VWA3B: variants seen among roughly 807,000 people sequenced by gnomAD.
VWA3B encodes von Willebrand factor A domain containing 3B.
VWA3B carries 138 observed loss-of-function variants against 158.3 expected under a neutral mutation model. The observed-to-expected ratio is 0.87, with a 90% CI of 0.76 to 1.00. VWA3B has a LOEUF of 1.00. Among genes scored for constraint, VWA3B ranks in the 50% least tolerant of loss-of-function variants. The pLI is 0.00. For missense variants in VWA3B, 1,555 were observed against 1,565.1 expected, an observed-to-expected ratio of 0.99 and a Z score of 0.11; for synonymous variants, 596 against 587.3, an observed-to-expected ratio of 1.01 and a Z score of -0.21.
intron 2 of VWA3B, among the ~76,000 whole-genome samples, chr2:98,106,233 C>T (rs796822147): frequency 3.0e-4 from 46 of 152,226 alleles, no homozygotes; most frequent in African/African-American, 9.9e-4. Context: ...TCTATTTGTT[C>T]TATTCATCTG....
intron 20 of VWA3B, 68 bp downstream of exon 20, chr2:98,250,504 T>G (rs1686733489): frequency 7.9e-7 from 1 of 1,265,468 alleles, no homozygotes; most frequent in Non-Finnish European, 1.1e-6. Context: ...AGACTTCTCT[T>G]GTTTTAGCTT....
chr2:98,171,059 T>G (rs748461276), intron 8 of VWA3B, among the ~76,000 whole-genome samples: 1 of 152,242 alleles, frequency 6.6e-6, no homozygotes. Context: ...AGAAAACACA[T>G]GTAAAACACC....
At chr2:98,208,806 A>T (rs1368861742) in intron 12 of VWA3B, among the ~76,000 whole-genome samples, 2 of 152,178 alleles carry the variant, frequency 1.3e-5, no homozygotes, top group Non-Finnish European at 2.9e-5. Context: ...AGGATTATCT[A>T]TTATGCTTAC....
intron 12 of VWA3B, among the ~76,000 whole-genome samples, chr2:98,208,856 T>C (rs1044840980): frequency 6.6e-6 from 1 of 152,230 alleles, no homozygotes; most frequent in Non-Finnish European, 1.5e-5. Flanking sequence ...TTTCTGAAAG[T>C]CCAGGCTTTT....
At chr2:98,171,710 G>A (rs1341312268) in intron 8 of VWA3B, among the ~76,000 whole-genome samples, 1 of 152,176 alleles carries the variant, frequency 6.6e-6, no homozygotes, top group Non-Finnish European at 1.5e-5. Flanking sequence ...TGGCTACAGG[G>A]TGGGAAACAA....
At chr2:98,160,044 G>A (rs1292450972) in intron 7 of VWA3B, among the ~76,000 whole-genome samples, 1 of 151,060 alleles carries the variant, frequency 6.6e-6, no homozygotes, top group East Asian at 2.0e-4. Context: ...GATACATACA[G>A]CTTCCTGCTG....
Position 98,095,530 on chromosome 2 carries a change from T to C in VWA3B, c.196+2242T>C, listed in dbSNP as rs10192633. Among the ~76,000 whole-genome samples the C allele has an allele frequency of 3.4e-3, 525 of 152,346 alleles. 4 individuals are homozygous for C. Among genetic ancestry groups the C allele is most frequent in the African/African-American group, 0.012 (500 of 41,584 alleles). ...TCTAACAGGTTTTTAGTGGAGTCTT[T>C]AGGATTTTCTCTGTATAAGATTGTG... On this transcript the variant is annotated intron_variant, in intron 2 of 27. Coordinates refer to ENST00000477737, the MANE Select transcript of VWA3B (RefSeq NM_144992.5).
chr2:98,115,829 T>C lies in VWA3B; in HGVS notation c.291+83T>C, dbSNP rs1272041598. The C allele has an allele frequency of 3.4e-6, 4 of 1,192,824 alleles. No homozygotes were observed. In the Admixed American group the frequency reaches 5.5e-5, roughly 16 times the overall value. The allele number at this position is 1,192,824 out of a possible 1,614,324, so 73.9% of individuals were successfully genotyped here. ...AGAGTGCAGTGTGGGGAGAGACTTG[T>C]GCTGCTTGGCAGGGATGCAGCTGAG... On this transcript the variant is annotated intron_variant, in intron 3 of 27. Coordinates refer to ENST00000477737, the MANE Select transcript of VWA3B (RefSeq NM_144992.5).
At chr2:98,141,190 CAG>C (rs1461258469) in intron 7 of VWA3B, among the ~76,000 whole-genome samples, 1 of 152,220 alleles carries the variant, frequency 6.6e-6, no homozygotes, top group Non-Finnish European at 1.5e-5. Flanking sequence ...GAATCTGAAA[CAG>C]AGGCCTGAAA....
chr2:98,187,898 A>C, intron 9 of VWA3B, 77 bp from the exon 10 acceptor site: 143 of 1,440,546 alleles, frequency 9.9e-5, no homozygotes, highest in Non-Finnish European at 1.2e-4. Flanking sequence ...TGAATACGAC[A>C]GAGCTTAAGG....
At chr2:98,303,571 C>T in intron 25 of VWA3B, 131 bp from the exon 26 acceptor site, 2 of 795,492 alleles carry the variant, frequency 2.5e-6, no homozygotes, top group South Asian at 3.5e-5. Context: ...ATTTGAACTA[C>T]TCTTTTAAGT....
intron 25 of VWA3B, among the ~76,000 whole-genome samples, chr2:98,301,452 T>G (rs1283558167): frequency 6.6e-6 from 1 of 152,240 alleles, no homozygotes; most frequent in East Asian, 1.9e-4. Context: ...TATCTGTATT[T>G]ATCTATGTAT....
intron 17 of VWA3B, 133 bp from the exon 18 acceptor site, chr2:98,236,257 G>T: frequency 1.0e-6 from 1 of 996,710 alleles, no homozygotes; most frequent in Non-Finnish European, 1.5e-6. Flanking sequence ...GACAAATCAG[G>T]ATATGTTCTC....
At chr2:98,239,342 G>A (rs555136306) in intron 19 of VWA3B, among the ~76,000 whole-genome samples, 647 of 23,384 alleles carry the variant, frequency 0.028, 2 homozygotes, top group African/African-American at 0.085. Context: ...AAAAGTCCTC[G>A]TGCTAAATGA....
At chr2:98,229,033 C>T (rs1685143113) in intron 15 of VWA3B, 1 of 152,144 alleles carries the variant, frequency 6.6e-6, no homozygotes, top group Non-Finnish European at 1.5e-5. Context: ...ACAAAATGCA[C>T]TGTCTTCCTG....
rs535930842 is a variant in VWA3B, at chr2:98,288,656, A to G, written c.3046-1855A>G. Among the ~76,000 whole-genome samples, 129 of 152,306 alleles carry G rather than the reference A, an allele frequency of 8.5e-4. 1 individual carries two copies. Among genetic ancestry groups the G allele is most frequent in the Non-Finnish European group, 1.4e-3 (92 of 68,010 alleles). The stretch of plus-strand genomic sequence containing the variant: ...CGCTATTTTATGATTTGCTATATTT[A>G]AACTTTTAATTCCACTCTATGAAAA... On this transcript the variant is annotated intron_variant, in intron 22 of 27. Coordinates refer to ENST00000477737, the MANE Select transcript of VWA3B (RefSeq NM_144992.5).
At chr2:98,101,171 C>A (rs115074165) in intron 2 of VWA3B, among the ~76,000 whole-genome samples, 8 of 152,184 alleles carry the variant, frequency 5.3e-5, no homozygotes, top group Non-Finnish European at 1.5e-5. Context: ...TTTCCTACTG[C>A]GGCCTGCTTT....
chr2:98,309,356 A>G (rs1174547751), intron 26 of VWA3B, among the ~76,000 whole-genome samples: 1 of 152,150 alleles, frequency 6.6e-6, no homozygotes, highest in African/African-American at 2.4e-5. Flanking sequence ...GAGGCAAGGC[A>G]TGTTCTTCTC....
chr2:98,116,879 T>C (rs945931396), intron 3 of VWA3B, among the ~76,000 whole-genome samples: 1 of 152,248 alleles, frequency 6.6e-6, no homozygotes, highest in Admixed American at 6.5e-5. Flanking sequence ...TTCTTCAACT[T>C]TGAAGTTCTT....
Sources: gnomAD v4.1 joint callset for allele counts (sites outside exome capture counted in the v4.1 genomes callset) on GRCh38, gnomAD v4.1.1 for gene constraint, MANE v1.5 for transcripts, NCBI Gene and HGNC (gene_info 2026-07-23, HGNC 2026-07-21) for gene names.